The following COL11A1 variants were observed in gnomAD, a reference collection of about 807,000 sequenced individuals.
The protein encoded by COL11A1 is collagen type XI alpha 1 chain, also known as collagen alpha-1(XI) chain.
A neutral mutation model predicts 265.2 loss-of-function variants in COL11A1; 74 were observed. The observed-to-expected ratio is 0.28, with a 90% CI of 0.23 to 0.34. The LOEUF is 0.34. Among genes scored for constraint, COL11A1 ranks in the 10% least tolerant of loss-of-function variants. COL11A1 has a pLI of 1.00. For missense variants in COL11A1, 2,165 were observed against 2,263.6 expected, an observed-to-expected ratio of 0.96 and a Z score of 0.88; for synonymous variants, 816 against 727.6, an observed-to-expected ratio of 1.12 and a Z score of -1.96.
chr1:102,997,188 A>G (rs1270339224), intron 25 of COL11A1, 64 bp from the exon 26 acceptor site: 1 of 1,361,014 alleles, frequency 7.3e-7, no homozygotes, highest in Non-Finnish European at 1.1e-6. Flanking sequence ...ATACTACGAA[A>G]GTATTTCTTT....
chr1:103,034,074 T>C (rs1056309531), intron 4 of COL11A1, among the ~76,000 whole-genome samples: 1 of 152,164 alleles, frequency 6.6e-6, no homozygotes, highest in African/African-American at 2.4e-5. Flanking sequence ...CAGCTATTAA[T>C]CTAAATGAGA....
In COL11A1 at chr1:103,056,953, C is replaced by T. The variant is rs138383694; in HGVS notation, c.651+17665G>A. Reference sequence around the variant, plus strand: ...ATATTTTTGCTGGTGGAGGGTCTCACCTCTGTGTCTATAACTGCTTAGGGT... The same window carrying T: ...ATATTTTTGCTGGTGGAGGGTCTCATCTCTGTGTCTATAACTGCTTAGGGT... On this transcript the variant is annotated intron_variant, in intron 4 of 66. Coordinates refer to ENST00000370096, the MANE Select transcript of COL11A1 (RefSeq NM_001854.4). Among the ~76,000 whole-genome samples the T allele has an allele frequency of 3.1e-3, 470 of 152,240 alleles. 2 individuals are homozygous for T. The highest frequency in any genetic ancestry group is 0.011 in the African/African-American group (455 of 41,564).
rs1655447922 is a variant in COL11A1 at position 102,917,283 on chromosome 1, T to C, written c.3763-1599A>G. Among the ~76,000 whole-genome samples the C allele has an allele frequency of 2.6e-5, 4 of 152,066 alleles. No homozygotes were observed. In the South Asian group the frequency reaches 8.3e-4, roughly 31 times the overall value. On this transcript the variant is annotated intron_variant, in intron 49 of 66. Coordinates refer to ENST00000370096, the MANE Select transcript of COL11A1 (RefSeq NM_001854.4). ...TGGTGCTGAGAAATCTGATTTGCCTTAAGCAGAAGAATTAAACTAGACTCC... is the reference window on the plus strand; with the variant it reads ...TGGTGCTGAGAAATCTGATTTGCCTCAAGCAGAAGAATTAAACTAGACTCC...
rs751133123 is a variant in COL11A1, at chr1:102,912,232, A to G, written c.4033-20T>C. 6 of 1,594,412 alleles carry G rather than the reference A, an allele frequency of 3.8e-6. No individual in the cohort carries two copies. Among genetic ancestry groups the G allele is most frequent in the Non-Finnish European group, 3.4e-6 (4 of 1,169,890 alleles). ...AGGACCCTATAAAATGTGAAAAAAT[A>G]CCTTTAACAAAATTGGATATTATTT... On this transcript the variant is annotated intron_variant, in intron 53 of 66. Transcript: ENST00000370096.
At chr1:103,077,730 T>A (rs2102297548) in intron 3 of COL11A1, among the ~76,000 whole-genome samples, 1 of 152,214 alleles carries the variant, frequency 6.6e-6, no homozygotes, top group South Asian at 2.1e-4. Flanking sequence ...TCTATTTAGC[T>A]GCTCCATAAG....
chr1:102,932,315 T>A (rs553596855), intron 46 of COL11A1, among the ~76,000 whole-genome samples: 1 of 152,294 alleles, frequency 6.6e-6, no homozygotes, highest in South Asian at 2.1e-4. Context: ...CAGCATTTGC[T>A]TGTCTGTAAA....
chr1:102,888,875 T>C lies in COL11A1; in HGVS notation c.4509A>G (p.Pro1503=). The C allele has an allele frequency of 6.2e-7, 1 of 1,612,894 alleles. No homozygotes were observed. Among genetic ancestry groups the C allele is most frequent in the Non-Finnish European group, 8.5e-7 (1 of 1,178,916 alleles). The change falls in exon 60 of 67, where the codon CCA becomes CCG. Residue 1503 remains proline (P), a synonymous_variant. Transcript: ENST00000370096. ...PAGPLGPPGP[P]GLPGPQGPKG... ...TTTGTCTTGTACTTACTGGTAAACCTGGAGGACCAGGTGGACCTAAGGGAC... is the reference window on the plus strand; with the variant it reads ...TTTGTCTTGTACTTACTGGTAAACCCGGAGGACCAGGTGGACCTAAGGGAC...
chr1:103,036,407 G>A (rs1668379302), intron 4 of COL11A1, among the ~76,000 whole-genome samples: 1 of 143,852 alleles, frequency 7.0e-6, no homozygotes. Context: ...ATCTATATAT[G>A]CATCATGTAT....
At chr1:103,068,645 T>G (rs1182649233) in intron 4 of COL11A1, among the ~76,000 whole-genome samples, 1 of 151,302 alleles carries the variant, frequency 6.6e-6, no homozygotes, top group Non-Finnish European at 1.5e-5. Flanking sequence ...AGCATAAAGA[T>G]AGAAAACTTG....
intron 8 of COL11A1, among the ~76,000 whole-genome samples, chr1:103,022,005 C>T (rs1667125390): frequency 8.4e-6 from 1 of 118,812 alleles, no homozygotes; most frequent in African/African-American, 3.0e-5. Context: ...CGCCACCACA[C>T]CTAGCTAATT....
intron 54 of COL11A1, among the ~76,000 whole-genome samples, chr1:102,903,280 C>T (rs1295798267): frequency 6.6e-6 from 1 of 152,008 alleles, no homozygotes; most frequent in Admixed American, 6.6e-5. Context: ...TGTTTAATAA[C>T]CACTAGAATT....
At chr1:103,028,461 G>A (rs907643627) in intron 5 of COL11A1, among the ~76,000 whole-genome samples, 33 of 152,112 alleles carry the variant, frequency 2.2e-4, no homozygotes, top group African/African-American at 7.5e-4. Flanking sequence ...ACATTGCTAC[G>A]TAAAGCCTCA....
chr1:103,002,289 G>T lies in COL11A1; in HGVS notation c.2097+139C>A, dbSNP rs571110236. On this transcript the variant is annotated intron_variant, in intron 23 of 66. Transcript: ENST00000370096. The stretch of plus-strand genomic sequence containing the variant: ...GTTTGCTCAAATTTTTTTAAAAAAA[G>T]AAAAGTATGTATTTTCCTACATTCA... 406 of 870,538 alleles carry T rather than the reference G, an allele frequency of 4.7e-4. 7 individuals carry two copies. In the South Asian group the frequency reaches 6.1e-3, roughly 13 times the overall value. The allele number at this position is 870,538 out of a possible 1,614,324, so 53.9% of individuals were successfully genotyped here.
At chr1:102,958,324 T>G (rs1570864277) in intron 41 of COL11A1, among the ~76,000 whole-genome samples, 1 of 152,200 alleles carries the variant, frequency 6.6e-6, no homozygotes, top group East Asian at 1.9e-4. Flanking sequence ...TGATTCTTTT[T>G]TTTTTCAATA....
chr1:102,895,776 G>A (rs1652347785), intron 57 of COL11A1, among the ~76,000 whole-genome samples: 2 of 149,694 alleles, frequency 1.3e-5, no homozygotes, highest in South Asian at 4.3e-4. Flanking sequence ...ACATTTAAAT[G>A]GTCCAACTCT....
chr1:102,885,262 A>C (rs181287014), intron 63 of COL11A1, among the ~76,000 whole-genome samples: 1 of 152,182 alleles, frequency 6.6e-6, no homozygotes, highest in East Asian at 1.9e-4. Context: ...TTCTCTTGTT[A>C]ACCTTTTTTT....
At position 102,974,861 on chromosome 1, in the gene COL11A1, G is replaced by A; in HGVS notation, c.2777C>T (p.Pro926Leu). 7 of 1,613,440 alleles carry A rather than the reference G, an allele frequency of 4.3e-6. No homozygotes were observed. The highest frequency in any genetic ancestry group is 5.9e-6 in the Non-Finnish European group (7 of 1,179,514). Residue 926 changes from proline (P) to leucine (L), a missense_variant, in exon 36 of 67, where the codon CCA becomes CTA. By Grantham distance (98) the Pro-to-Leu change is moderately conservative. Coordinates refer to ENST00000370096, the MANE Select transcript of COL11A1 (RefSeq NM_001854.4). ...GCCTTTTGGTCCAGGGAATCCAACT[G>A]GACCCTGAGGTCCTTGAGGACCCTG... The part of the protein sequence containing the change: ...GERGPQGPQG[P>L]VGFPGPKGPP...
intron 44 of COL11A1, among the ~76,000 whole-genome samples, chr1:102,938,648 T>A (rs956194205): frequency 2.0e-5 from 3 of 151,944 alleles, no homozygotes; most frequent in Admixed American, 2.0e-4. Flanking sequence ...AAATGAAAAA[T>A]TTTAAAATAA....
At chr1:102,889,385 G>GTGTGTGTGTA (rs1651443583) in intron 59 of COL11A1, 70 bp downstream of exon 59, 3 of 646,116 alleles carry the variant, frequency 4.6e-6, no homozygotes, top group Non-Finnish European at 7.9e-6. Context: ...TTAAAGGACT[G>GTGTGTGTGTA]TGTGTGTGTG....
Sources: allele counts gnomAD v4.1 joint callset (sites outside exome capture counted in the v4.1 genomes callset), GRCh38; gene constraint gnomAD v4.1.1; transcripts MANE v1.5; gene names NCBI Gene and HGNC (gene_info 2026-07-23, HGNC 2026-07-21).